The following CUEDC1 variants were observed in gnomAD, a reference collection of about 807,000 sequenced individuals.
The protein encoded by CUEDC1 is CUE domain containing 1.
In CUEDC1, 30 loss-of-function variants were observed where a neutral mutation model predicts 43.7. The ratio of observed to expected loss-of-function variants is 0.69; its 90% confidence interval spans 0.51 to 0.93. The LOEUF is 0.93. CUEDC1 is among the 40% of genes least tolerant of loss of function. CUEDC1 has a pLI of 0.00. For synonymous variants in CUEDC1, 223 were observed against 223.6 expected (o/e 1.00, Z 0.02); for missense variants, 486 against 549.0 (o/e 0.89, Z 1.15).
chr17:57,889,580 G>A (rs2074334162), intron 1 of CUEDC1, among the ~76,000 whole-genome samples: 1 of 152,248 alleles, frequency 6.6e-6, no homozygotes, highest in Non-Finnish European at 1.5e-5. Flanking sequence ...TACAGGTGAA[G>A]AGCCTGAGAC....
At position 57,868,172 on chromosome 17, in the gene CUEDC1, T is replaced by C; in HGVS notation, c.1012A>G (p.Lys338Glu). The C allele has an allele frequency of 6.2e-7, 1 of 1,614,122 alleles. No individual in the cohort carries two copies. Among genetic ancestry groups the C allele is most frequent in the South Asian group, 1.1e-5 (1 of 91,086 alleles). Residue 338 changes from lysine to glutamate, a missense_variant, in exon 8 of 11, where the codon AAA becomes GAA. By Grantham distance (56) the Lys-to-Glu change is moderately conservative. Transcript: ENST00000577830. ...TACGACTGATGCTTCAACAAGTGTT[T>C]CCTCTTTGACTTCCTCATTTTGGTC... ...EKTKMRKSKR[K>E]HLLKHQSLGA... is the part of the protein sequence containing the mutation.
At chr17:57,934,111 A>G (rs902341820) in intron 1 of CUEDC1, among the ~76,000 whole-genome samples, 5 of 152,114 alleles carry the variant, frequency 3.3e-5, no homozygotes, top group African/African-American at 1.2e-4. Flanking sequence ...ATAAAAATAA[A>G]GGCCAGGTGC....
chr17:57,911,466 G>C (rs935174910), intron 1 of CUEDC1, among the ~76,000 whole-genome samples: 1 of 152,082 alleles, frequency 6.6e-6, no homozygotes, highest in Non-Finnish European at 1.5e-5. Context: ...GTCTTGTGTG[G>C]CTGGCTCTCC....
rs996780538 is a variant in CUEDC1, at chr17:57,885,745, C to A, written c.-181G>T. The A allele has an allele frequency of 9.6e-7, 1 of 1,037,764 alleles. No individual in the cohort carries two copies. Among genetic ancestry groups the A allele is most frequent in the East Asian group, 3.5e-5 (1 of 28,318 alleles). The allele number at this position is 1,037,764 out of a possible 1,614,324, so 64.3% of individuals were successfully genotyped here. On this transcript the variant is annotated 5_prime_UTR_variant, in exon 2 of 11. Transcript: ENST00000577830. ...GAGCTCCGGGTTAGGAGAGTACGGG[C>A]GCGGGGCCCCAGGCAGCCCTTGGAG...
chr17:57,937,929 T>A (rs1225588852), intron 1 of CUEDC1, among the ~76,000 whole-genome samples: 2 of 151,732 alleles, frequency 1.3e-5, no homozygotes, highest in African/African-American at 4.8e-5. Context: ...AAAATAAATC[T>A]AAAATTCTGC....
chr17:57,933,299 A>G (rs2074827234), intron 1 of CUEDC1, among the ~76,000 whole-genome samples: 1 of 150,020 alleles, frequency 6.7e-6, no homozygotes, highest in Non-Finnish European at 1.5e-5. Flanking sequence ...GTAACTTTAT[A>G]TAGCCTTGAT....
chr17:57,909,675 C>T (rs557878819), intron 1 of CUEDC1, among the ~76,000 whole-genome samples: 2 of 152,354 alleles, frequency 1.3e-5, no homozygotes, highest in East Asian at 3.9e-4. Context: ...ACTGGCAGGG[C>T]CCAGGCCTCA....
rs2074788560 is a variant in CUEDC1 at position 57,930,010 on chromosome 17, T to G, written c.-316+25215A>C. ...TAGAGACAGGGTTTCACCATGTTTG[T>G]CGGGCTGGTATCGAACTCCTGCCCT... On this transcript the variant is annotated intron_variant, in intron 1 of 10. Coordinates refer to ENST00000577830, the MANE Select transcript of CUEDC1 (RefSeq NM_001271875.2). This position sits in a 1 kb window ranked among gnomAD's most constrained non-coding sequence, Gnocchi z 4.2. Among the ~76,000 whole-genome samples, 1 of 152,148 alleles carries G rather than the reference T, an allele frequency of 6.6e-6. No homozygotes were observed. The highest frequency in any genetic ancestry group is 6.5e-5 in the Admixed American group (1 of 15,274).
At chr17:57,865,113 G>A (rs1472886082) in intron 10 of CUEDC1, among the ~76,000 whole-genome samples, 1 of 152,200 alleles carries the variant, frequency 6.6e-6, no homozygotes, top group Non-Finnish European at 1.5e-5. Context: ...CTGATGTAGG[G>A]GTGGTTTGGA....
intron 1 of CUEDC1, among the ~76,000 whole-genome samples, chr17:57,887,898 CTTTTTTTT>C (rs748886251): frequency 2.5e-5 from 3 of 118,032 alleles, no homozygotes; most frequent in African/African-American, 6.5e-5. Flanking sequence ...TTCTTTTTCT[CTTTTTTTT>C]TTTTTTTTTT....
At chr17:57,865,692 C>T (rs2073946478) in intron 10 of CUEDC1, among the ~76,000 whole-genome samples, 1 of 152,180 alleles carries the variant, frequency 6.6e-6, no homozygotes. Context: ...GGGCTTCAGC[C>T]AGAAACCGCT....
rs560274081 is a variant in CUEDC1 at position 57,907,675 on chromosome 17, G to T, written c.-315-21796C>A. 2.8e-4 allele frequency among the ~76,000 whole-genome samples: 42 copies of T among 151,998 alleles called. No individual in the cohort carries two copies. The South Asian group carries it at 8.7e-3, about 32-fold the overall frequency. On this transcript the variant is annotated intron_variant, in intron 1 of 10. Coordinates refer to ENST00000577830, the MANE Select transcript of CUEDC1 (RefSeq NM_001271875.2). ...AGCTTGGCCAACATGGTGAAACCCTGTCTCTACTAAAAATACAAAAATTAG... is the reference window on the plus strand; with the variant it reads ...AGCTTGGCCAACATGGTGAAACCCTTTCTCTACTAAAAATACAAAAATTAG...
chr17:57,943,759 C>T (rs1172670511), intron 1 of CUEDC1, among the ~76,000 whole-genome samples: 1 of 152,124 alleles, frequency 6.6e-6, no homozygotes, highest in Admixed American at 6.5e-5. Flanking sequence ...ATCTCCTCAG[C>T]TCTGCCCCAC....
chr17:57,882,760 T>C (rs1221878963), intron 2 of CUEDC1, among the ~76,000 whole-genome samples: 1 of 152,172 alleles, frequency 6.6e-6, no homozygotes, highest in Non-Finnish European at 1.5e-5. Context: ...GTAGAAAATA[T>C]ATTTTGTCTT....
At chr17:57,952,246 G>A (rs541043934) in intron 1 of CUEDC1, among the ~76,000 whole-genome samples, 1 of 148,758 alleles carries the variant, frequency 6.7e-6, no homozygotes, top group South Asian at 2.1e-4. Context: ...TTTTTTTGGA[G>A]ACAAAGTTTT....
intron 3 of CUEDC1, among the ~76,000 whole-genome samples, chr17:57,879,390 C>T (rs2074172261): frequency 6.6e-6 from 1 of 152,200 alleles, no homozygotes; most frequent in African/African-American, 2.4e-5. Context: ...CCAGACATAC[C>T]GCCTAGCCTA....
intron 1 of CUEDC1, among the ~76,000 whole-genome samples, chr17:57,929,494 ATTTT>A (rs2074782638): frequency 6.6e-6 from 1 of 152,174 alleles, no homozygotes; most frequent in South Asian, 2.1e-4. Context: ...GGAAGGAAGG[ATTTT>A]AAAATGTTTC....
At chr17:57,898,414 G>C (rs1037060001) in intron 1 of CUEDC1, among the ~76,000 whole-genome samples, 4 of 152,202 alleles carry the variant, frequency 2.6e-5, no homozygotes, top group African/African-American at 9.6e-5. Context: ...GAGTGGTCAG[G>C]AGTGGGGCTT....
chr17:57,871,259 G>A (rs773857617), intron 6 of CUEDC1, 27 bp downstream of exon 6: 1 of 1,585,834 alleles, frequency 6.3e-7, no homozygotes, highest in Non-Finnish European at 8.7e-7. Context: ...ATGCCTCTAG[G>A]TTTTCTTCCC....
Sources: allele counts gnomAD v4.1 joint callset (sites outside exome capture counted in the v4.1 genomes callset), GRCh38; gene constraint gnomAD v4.1.1; non-coding constraint Gnocchi (gnomAD v3.1); transcripts MANE v1.5; gene names NCBI Gene and HGNC (gene_info 2026-07-23, HGNC 2026-07-21).